The following CLPB variants were observed in gnomAD, a reference collection of about 807,000 sequenced individuals.
CLPB encodes mitochondrial disaggregase.
Under a neutral mutation model 78.4 loss-of-function variants are expected in CLPB, and 40 were observed. The observed-to-expected ratio is 0.51, with a 90% CI of 0.40 to 0.66. The LOEUF (loss-of-function observed/expected upper bound fraction) is 0.66. Ranked by LOEUF, CLPB falls within the 30% of genes least tolerant of loss-of-function variation. CLPB has a pLI of 0.00. For missense variants in CLPB, 780 were observed against 886.9 expected (o/e 0.88, Z 1.53); for synonymous variants, 333 against 348.0 (o/e 0.96, Z 0.48).
In CLPB at chr11:72,369,749, C is replaced by T. The variant is rs1951008541; in HGVS notation, c.646+10532G>A. On this transcript the variant is annotated intron_variant, in intron 4 of 15. Coordinates refer to ENST00000538039, the MANE Select transcript of CLPB (RefSeq NM_001258392.3). ...TGCCCCTCTCTGGTTCTGAGGTGGT[C>T]TCTTTTATATAGTCTGTGTGTGTGT... Among the ~76,000 whole-genome samples the T allele has an allele frequency of 4.6e-5, 7 of 152,212 alleles. No individual in the cohort carries two copies. In the South Asian group the frequency reaches 1.5e-3, roughly 32 times the overall value.
At chr11:72,318,333 T>G (rs530600587) in intron 6 of CLPB, among the ~76,000 whole-genome samples, 30 of 152,164 alleles carry the variant, frequency 2.0e-4, no homozygotes, top group Middle Eastern at 6.8e-3. Context: ...ACAGGAGGCT[T>G]GAAGAAGCTG....
rs1177971043 is a variant in CLPB, at chr11:72,287,063, G to A, written c.*6304C>T. On this transcript the variant is annotated 3_prime_UTR_variant, in exon 16 of 16. Transcript: ENST00000538039. ...CTTGCATTGCTAAAATAAACCTTATGTAATCAGAGTGTGCAATTCAACTTG... is the reference window on the plus strand; with the variant it reads ...CTTGCATTGCTAAAATAAACCTTATATAATCAGAGTGTGCAATTCAACTTG... 1 of 152,084 alleles carries A rather than the reference G, an allele frequency of 6.6e-6. No individual in the cohort carries two copies. The highest frequency in any genetic ancestry group is 1.9e-4 in the East Asian group (1 of 5,194). The allele number at this position is 152,084 out of a possible 1,614,324, so 9.4% of individuals were successfully genotyped here.
At chr11:72,391,117 T>A (rs1590885765) in intron 3 of CLPB, among the ~76,000 whole-genome samples, 1 of 152,050 alleles carries the variant, frequency 6.6e-6, no homozygotes, top group Admixed American at 6.6e-5. Flanking sequence ...TTTCAGGGAG[T>A]CTCTCAATTA....
At chr11:72,332,118 C>A (rs1590805948) in intron 5 of CLPB, among the ~76,000 whole-genome samples, 2 of 152,074 alleles carry the variant, frequency 1.3e-5, no homozygotes, top group East Asian at 3.9e-4. Flanking sequence ...GAATTTAGTG[C>A]AGAATATTGA....
At chr11:72,394,928 G>A (rs1438580389) in intron 3 of CLPB, among the ~76,000 whole-genome samples, 1 of 152,154 alleles carries the variant, frequency 6.6e-6, no homozygotes, top group African/African-American at 2.4e-5. Flanking sequence ...ACCCTGCTCA[G>A]GGGTCCCATG....
chr11:72,295,721 C>T, intron 11 of CLPB, 73 bp from the exon 12 acceptor site: 1 of 1,491,132 alleles, frequency 6.7e-7, no homozygotes, highest in South Asian at 1.2e-5. Context: ...TCTCAGTTCT[C>T]ACCTCCTTCA....
intron 5 of CLPB, among the ~76,000 whole-genome samples, chr11:72,331,380 G>A (rs1950222541): frequency 6.6e-6 from 1 of 150,740 alleles, no homozygotes; most frequent in Admixed American, 6.6e-5. Context: ...CTCTAGCCTG[G>A]GCGACAGAGC....
At position 72,434,512 on chromosome 11, in the gene CLPB, C is replaced by T. The variant is rs1323483027; in HGVS notation, c.-38G>A. On this transcript the variant is annotated 5_prime_UTR_variant, in exon 1 of 16. Transcript: ENST00000538039. ...TTCGATAACCCCGTGGTGCCGGCCC[C>T]TGTGCTGACCACGTCCAACATGGCT... 1 of 1,512,116 alleles carries T rather than the reference C, an allele frequency of 6.6e-7. No homozygotes were observed. Among genetic ancestry groups the T allele is most frequent in the Admixed American group, 2.3e-5 (1 of 44,206 alleles). 93.7% of individuals were successfully genotyped at this position (1,512,116 alleles called of 1,614,324 possible).
chr11:72,369,006 C>G (rs1565466256), intron 4 of CLPB, among the ~76,000 whole-genome samples: 1 of 152,144 alleles, frequency 6.6e-6, no homozygotes, highest in Non-Finnish European at 1.5e-5. Flanking sequence ...CTGGAGACAC[C>G]TCAAGGGCAG....
At chr11:72,344,046 GGA>G (rs796391439) in intron 5 of CLPB, among the ~76,000 whole-genome samples, 8 of 152,156 alleles carry the variant, frequency 5.3e-5, no homozygotes, top group African/African-American at 1.9e-4. Flanking sequence ...CCACAGATCA[GGA>G]GAGTCTTCCT....
At chr11:72,419,261 A>G (rs1403111116) in intron 2 of CLPB, among the ~76,000 whole-genome samples, 1 of 152,190 alleles carries the variant, frequency 6.6e-6, no homozygotes, top group Non-Finnish European at 1.5e-5. Flanking sequence ...GGGATTTTAG[A>G]GGAGAGATAG....
rs74433274 is a variant in CLPB at position 72,405,006 on chromosome 11, G to C, written c.456-1954C>G. Among the ~76,000 whole-genome samples, 549 of 152,280 alleles carry C rather than the reference G, an allele frequency of 3.6e-3. 3 individuals are homozygous for C. The highest frequency in any genetic ancestry group is 0.019 in the East Asian group (96 of 5,182). On this transcript the variant is annotated intron_variant, in intron 2 of 15. Coordinates refer to ENST00000538039, the MANE Select transcript of CLPB (RefSeq NM_001258392.3). ...TTAGCAGGCCACGTGATATGGTAGA[G>C]AGCGCATGGTTCTGATCCTAACTAT...
intron 11 of CLPB, among the ~76,000 whole-genome samples, chr11:72,297,013 A>T (rs530697093): frequency 1.8e-4 from 27 of 152,340 alleles, no homozygotes; most frequent in Non-Finnish European, 3.2e-4. Flanking sequence ...TGGATGAATG[A>T]GGCCTCGTGC....
chr11:72,426,852 C>A (rs1241892960), intron 2 of CLPB, among the ~76,000 whole-genome samples: 1 of 152,202 alleles, frequency 6.6e-6, no homozygotes, highest in Non-Finnish European at 1.5e-5. Flanking sequence ...TTCAGCTCTA[C>A]TTCTCCAACC....
intron 3 of CLPB, among the ~76,000 whole-genome samples, chr11:72,384,325 G>A (rs1855011382): frequency 6.6e-6 from 1 of 152,108 alleles, no homozygotes; most frequent in African/African-American, 2.4e-5. Context: ...TTTGTTAAGG[G>A]ATATATAATA....
At chr11:72,383,391 C>T (rs1386717433) in intron 3 of CLPB, among the ~76,000 whole-genome samples, 3 of 151,718 alleles carry the variant, frequency 2.0e-5, no homozygotes, top group Admixed American at 6.6e-5. Context: ...ATTAGCCAGG[C>T]GTGGTGGCGG....
Position 72,337,043 on chromosome 11 carries a change from C to T in CLPB, c.776-7239G>A, listed in dbSNP as rs1950334801. 1.3e-5 allele frequency: 5 copies of T among 398,848 alleles called. No individual in the cohort carries two copies. In the East Asian group the frequency reaches 1.8e-4, roughly 14 times the overall value. The allele number at this position is 398,848 out of a possible 1,614,324, so 24.7% of individuals were successfully genotyped here. A position where few individuals can be genotyped will look rare whatever the true frequency, so the allele number is the denominator to read the frequency against. On this transcript the variant is annotated intron_variant, in intron 5 of 15. Transcript: ENST00000538039. ...TCAGCCTCAGGGTCCTGGCCTGCCACTTTCATATCTTGGTTTAGTCTTCAC... is the reference window on the plus strand; with the variant it reads ...TCAGCCTCAGGGTCCTGGCCTGCCATTTTCATATCTTGGTTTAGTCTTCAC...
At chr11:72,366,470 C>G (rs1191331865) in intron 4 of CLPB, among the ~76,000 whole-genome samples, 1 of 152,010 alleles carries the variant, frequency 6.6e-6, no homozygotes, top group East Asian at 1.9e-4. Context: ...ATGGGTGATC[C>G]ACCTGCCTCA....
chr11:72,335,473 T>G (rs993300093), intron 5 of CLPB, among the ~76,000 whole-genome samples: 14 of 152,166 alleles, frequency 9.2e-5, no homozygotes, highest in African/African-American at 3.1e-4. Context: ...CCCATTTAAC[T>G]GAGGGCAGAT....
Sources: gnomAD v4.1 joint callset for allele counts (sites outside exome capture counted in the v4.1 genomes callset) on GRCh38, gnomAD v4.1.1 for gene constraint, MANE v1.5 for transcripts, NCBI Gene and HGNC (gene_info 2026-07-23, HGNC 2026-07-21) for gene names.